SPEF2: variants seen among roughly 807,000 people sequenced by gnomAD.
SPEF2 encodes the protein sperm flagella and cilia-associated protein 2.
Under a neutral mutation model 224.6 loss-of-function variants are expected in SPEF2, and 187 were observed. That is an observed-to-expected ratio of 0.83 (90% CI 0.74 to 0.94). SPEF2 has a LOEUF of 0.94. Among genes scored for constraint, SPEF2 ranks in the 40% least tolerant of loss-of-function variants. SPEF2 has a pLI of 0.00. For missense variants in SPEF2, 2,170 were observed against 2,135.6 expected, an observed-to-expected ratio of 1.02 and a Z score of -0.32; for synonymous variants, 715 against 707.3, an observed-to-expected ratio of 1.01 and a Z score of -0.17.
At chr5:35,636,443 C>T (rs1251508027) in intron 2 of SPEF2, among the ~76,000 whole-genome samples, 6 of 152,142 alleles carry the variant, frequency 3.9e-5, no homozygotes, top group African/African-American at 1.2e-4. Flanking sequence ...ATGCATATGG[C>T]CTCAGAGTCC....
At chr5:35,795,945 A>C in intron 33 of SPEF2, 150 bp downstream of exon 33, 1 of 689,090 alleles carries the variant, frequency 1.5e-6, no homozygotes, top group Non-Finnish European at 2.5e-6. Context: ...AAGTTAGCTC[A>C]CTAAGGAGGC....
At chr5:35,703,302 G>C (rs1194299278) in intron 16 of SPEF2, among the ~76,000 whole-genome samples, 1 of 152,126 alleles carries the variant, frequency 6.6e-6, no homozygotes, top group Admixed American at 6.6e-5. Context: ...AGAAACTGGA[G>C]TTGTTAAGAG....
At chr5:35,710,063 T>C in intron 19 of SPEF2, 5 of 983,426 alleles carry the variant, frequency 5.1e-6, no homozygotes, top group Non-Finnish European at 6.0e-6. Flanking sequence ...TTATGATATA[T>C]TAAAGACCAT....
chr5:35,784,834 T>A (rs1370074553), intron 30 of SPEF2, among the ~76,000 whole-genome samples: 1 of 151,650 alleles, frequency 6.6e-6, no homozygotes. Context: ...GGAGAATGGA[T>A]TGGAGCAGGG....
intron 19 of SPEF2, chr5:35,710,208 A>G: frequency 3.0e-6 from 3 of 985,028 alleles, no homozygotes; most frequent in Non-Finnish European, 3.6e-6. Context: ...TTAGGAAATT[A>G]AAAAACAATT....
At chr5:35,746,788 G>T (rs1006459289) in intron 23 of SPEF2, among the ~76,000 whole-genome samples, 2 of 152,074 alleles carry the variant, frequency 1.3e-5, no homozygotes, top group Non-Finnish European at 2.9e-5. Context: ...CCTCGCTAGA[G>T]ACCTAAACAT....
intron 10 of SPEF2, among the ~76,000 whole-genome samples, chr5:35,684,452 C>G (rs960132868): frequency 2.0e-5 from 3 of 152,170 alleles, no homozygotes; most frequent in African/African-American, 4.8e-5. Context: ...ACAGTGACAT[C>G]CTATTCCATT....
intron 30 of SPEF2, among the ~76,000 whole-genome samples, chr5:35,784,563 T>G (rs1447455255): frequency 6.6e-6 from 1 of 152,218 alleles, no homozygotes; most frequent in Non-Finnish European, 1.5e-5. Context: ...TATTGCTGCC[T>G]ATGTGAGTCA....
intron 20 of SPEF2, among the ~76,000 whole-genome samples, chr5:35,715,622 C>A (rs531865987): frequency 5.3e-5 from 8 of 152,038 alleles, no homozygotes; most frequent in Admixed American, 3.9e-4. Flanking sequence ...TGTGTTTTGG[C>A]TGACTAGAAG....
In SPEF2 at chr5:35,788,224, A is replaced by C. The variant is rs1181346409; in HGVS notation, c.4448-4116A>C. The C allele has an allele frequency of 4.3e-6, 3 of 702,874 alleles. No homozygotes were observed. In the African/African-American group the frequency reaches 5.2e-5, roughly 12 times the overall value. The allele number at this position is 702,874 out of a possible 1,614,324, so 43.5% of individuals were successfully genotyped here. On this transcript the variant is annotated intron_variant, in intron 30 of 36. Coordinates refer to ENST00000356031, the MANE Select transcript of SPEF2 (RefSeq NM_024867.4). ...AACTAATGATGAGGACCATGAGCAA[A>C]GTAACCCTCGGGAGAGTAGAGAACT...
chr5:35,752,363 A>G (rs987495567), intron 23 of SPEF2, among the ~76,000 whole-genome samples: 1 of 152,134 alleles, frequency 6.6e-6, no homozygotes, highest in Non-Finnish European at 1.5e-5. Flanking sequence ...GTCATGGCTC[A>G]TTGCAGCCTT....
chr5:35,658,161 G>T (rs574363951), intron 7 of SPEF2, among the ~76,000 whole-genome samples: 3 of 152,154 alleles, frequency 2.0e-5, no homozygotes, highest in Non-Finnish European at 4.4e-5. Flanking sequence ...TTTACCTAAT[G>T]AGAAATAGGC....
chr5:35,799,161 C>T (rs985481686), intron 33 of SPEF2, among the ~76,000 whole-genome samples: 2 of 152,166 alleles, frequency 1.3e-5, no homozygotes, highest in African/African-American at 2.4e-5. Context: ...ATATACTTAA[C>T]CAGAATTCAC....
At chr5:35,665,901 C>T (rs916261016) in intron 8 of SPEF2, among the ~76,000 whole-genome samples, 4 of 152,114 alleles carry the variant, frequency 2.6e-5, no homozygotes, top group Non-Finnish European at 4.4e-5. Flanking sequence ...AATAAGCACA[C>T]AAAATAAAAC....
At chr5:35,691,311 A>G (rs931151823) in intron 11 of SPEF2, 55 bp downstream of exon 11, 44 of 1,351,966 alleles carry the variant, frequency 3.3e-5, no homozygotes, top group Non-Finnish European at 4.3e-5. Flanking sequence ...CACTGACTGT[A>G]GCTGCAAATG....
At chr5:35,717,196 T>C (rs1372842454) in intron 20 of SPEF2, among the ~76,000 whole-genome samples, 1 of 152,198 alleles carries the variant, frequency 6.6e-6, no homozygotes, top group African/African-American at 2.4e-5. Flanking sequence ...TACAGGATTT[T>C]TTTTTTCTAT....
rs575407725 is a variant in SPEF2 at position 35,757,203 on chromosome 5, T to G, written c.3469-2365T>G. Among the ~76,000 whole-genome samples the G allele has an allele frequency of 9.9e-5, 15 of 152,230 alleles. No individual in the cohort carries two copies. The East Asian group carries it at 2.9e-3, about 29-fold the overall frequency. On this transcript the variant is annotated intron_variant, in intron 24 of 36. Coordinates refer to ENST00000356031, the MANE Select transcript of SPEF2 (RefSeq NM_024867.4). ...TGAATTTTGATTGATTCTGCCTTTATGAAAATCTTGGATATAGTATGGCAT... is the reference window on the plus strand; with the variant it reads ...TGAATTTTGATTGATTCTGCCTTTAGGAAAATCTTGGATATAGTATGGCAT...
At chr5:35,728,341 G>A (rs1745035401) in intron 21 of SPEF2, among the ~76,000 whole-genome samples, 1 of 152,174 alleles carries the variant, frequency 6.6e-6, no homozygotes. Flanking sequence ...AGCGCTGAAA[G>A]CTCCGCCTAG....
intron 17 of SPEF2, 55 bp from the exon 18 acceptor site, chr5:35,705,596 T>C (rs1739589051): frequency 7.6e-7 from 1 of 1,321,594 alleles, no homozygotes; most frequent in Non-Finnish European, 1.0e-6. Context: ...ATGCTTAATG[T>C]CATTCTAATC....
Sources: gnomAD v4.1 joint callset for allele counts (sites outside exome capture counted in the v4.1 genomes callset) on GRCh38, gnomAD v4.1.1 for gene constraint, MANE v1.5 for transcripts, NCBI Gene and HGNC (gene_info 2026-07-23, HGNC 2026-07-21) for gene names.